NTM: variants seen among roughly 807,000 people sequenced by gnomAD.
NTM encodes the protein IgLON family member 2.
In NTM, 13 loss-of-function variants were observed where a neutral mutation model predicts 42.1. The ratio of observed to expected loss-of-function variants is 0.31; its 90% CI spans 0.20 to 0.49. The LOEUF is 0.49. Ranked by LOEUF, NTM falls within the 20% of genes least tolerant of loss-of-function variation. NTM has a pLI of 0.99. For missense variants in NTM, 373 were observed against 452.8 expected (o/e 0.82, Z 1.60); for synonymous variants, 187 against 179.2 (o/e 1.04, Z -0.35).
chr11:131,599,788 C>T (rs1022194142), intron 1 of NTM, among the ~76,000 whole-genome samples: 12 of 152,168 alleles, frequency 7.9e-5, no homozygotes, highest in African/African-American at 2.9e-4. Context: ...AAAGGCTTCC[C>T]AGAGAAGTCA....
intron 3 of NTM, among the ~76,000 whole-genome samples, chr11:132,177,821 A>C (rs781002666): frequency 1.3e-5 from 2 of 152,230 alleles, no homozygotes; most frequent in Non-Finnish European, 2.9e-5. Context: ...TGACTAATGC[A>C]CTCATCCTGA....
chr11:132,136,859 G>T (rs993498005), intron 2 of NTM, among the ~76,000 whole-genome samples: 5 of 152,248 alleles, frequency 3.3e-5, no homozygotes, highest in Admixed American at 3.3e-4. Context: ...AGAATTGGAG[G>T]TGGAACTAGC....
At position 132,335,079 on chromosome 11, in the gene NTM, C is replaced by T. The variant is rs755518659; in HGVS notation, c.1001C>T (p.Thr334Met). Residue 334 changes from threonine (T) to methionine (M), a missense_variant, in exon 9 of 9, where the codon ACG becomes ATG. Physicochemically the swap from Thr to Met is moderately conservative, Grantham distance 81. This residue lies in a region of NTM where 312 missense variants were observed against 353.5 expected (regional missense o/e 0.88). Transcript: ENST00000683400. ...PGAVSEVSNG[T>M]SRRAGCVWLL... ...GCCGTCAGCGAGGTGAGCAACGGCA[C>T]GTCGAGGAGGGCAGGCTGCGTCTGG... The T allele has an allele frequency of 1.1e-5, 17 of 1,612,434 alleles. No individual in the cohort carries two copies. The highest frequency in any genetic ancestry group is 3.3e-4 in the Middle Eastern group (2 of 6,084).
intron 6 of NTM, among the ~76,000 whole-genome samples, chr11:132,310,942 GAAC>G (rs1262074835): frequency 6.6e-6 from 1 of 152,174 alleles, no homozygotes; most frequent in African/African-American, 2.4e-5. Flanking sequence ...TAAGGGGGAT[GAAC>G]AACGGGAAAT....
intron 1 of NTM, among the ~76,000 whole-genome samples, chr11:131,742,322 T>C (rs1162586853): frequency 6.6e-6 from 1 of 152,216 alleles, no homozygotes; most frequent in Non-Finnish European, 1.5e-5. Flanking sequence ...AAACAATAAC[T>C]TGTTACTTTA....
intron 1 of NTM, among the ~76,000 whole-genome samples, chr11:131,667,797 GA>G: frequency 6.6e-6 from 1 of 152,254 alleles, no homozygotes; most frequent in South Asian, 2.1e-4. Flanking sequence ...CCACATGCCT[GA>G]GATTCCAACT....
chr11:132,147,208 T>TGAGAGA (rs751020746), intron 3 of NTM, among the ~76,000 whole-genome samples: 3 of 127,104 alleles, frequency 2.4e-5, no homozygotes, highest in Non-Finnish European at 5.3e-5. Context: ...TGTGTGTGTG[T>TGAGAGA]GTGTGTGAGA....
chr11:131,559,001 T>C (rs1208005605), intron 1 of NTM, among the ~76,000 whole-genome samples: 1 of 152,220 alleles, frequency 6.6e-6, no homozygotes, highest in African/African-American at 2.4e-5. Flanking sequence ...AATAGACATA[T>C]GGGTTTATTT....
intron 1 of NTM, among the ~76,000 whole-genome samples, chr11:131,732,376 G>A (rs1354750720): frequency 1.3e-5 from 2 of 152,034 alleles, no homozygotes; most frequent in Non-Finnish European, 1.5e-5. Context: ...CACTGGGTGG[G>A]AATCAGGCCT....
chr11:132,098,577 A>G (rs952892930), intron 2 of NTM, among the ~76,000 whole-genome samples: 2 of 152,212 alleles, frequency 1.3e-5, no homozygotes, highest in African/African-American at 4.8e-5. Flanking sequence ...GTCCCGATCT[A>G]ATGCCAATGT....
chr11:131,777,596 A>G (rs1471482455), intron 1 of NTM, among the ~76,000 whole-genome samples: 3 of 151,982 alleles, frequency 2.0e-5, no homozygotes, highest in East Asian at 1.9e-4. Flanking sequence ...ATGGCATAAC[A>G]AAGCCCCAAA....
At chr11:131,445,244 C>T (rs919520017) in intron 1 of NTM, among the ~76,000 whole-genome samples, 7 of 152,220 alleles carry the variant, frequency 4.6e-5, no homozygotes, top group African/African-American at 1.7e-4. Context: ...GTACACTGCC[C>T]TGTACCCCTA....
chr11:131,925,656 A>G (rs2057848886), intron 2 of NTM, among the ~76,000 whole-genome samples: 1 of 152,134 alleles, frequency 6.6e-6, no homozygotes, highest in Admixed American at 6.5e-5. Flanking sequence ...AAGTGCTGGG[A>G]TTACAGATAG....
chr11:132,000,370 A>G (rs899321443), intron 2 of NTM, among the ~76,000 whole-genome samples: 1 of 152,140 alleles, frequency 6.6e-6, no homozygotes, highest in Non-Finnish European at 1.5e-5. Context: ...TCATCTTTCA[A>G]TGTGGTTTTT....
At chr11:131,559,134 C>T (rs775878908) in intron 1 of NTM, among the ~76,000 whole-genome samples, 11 of 152,156 alleles carry the variant, frequency 7.2e-5, no homozygotes, top group Non-Finnish European at 1.3e-4. Context: ...AGGAAGTTTG[C>T]GTTTGTTTAC....
At chr11:131,620,745 CCTT>C (rs1271265051) in intron 1 of NTM, among the ~76,000 whole-genome samples, 4 of 152,200 alleles carry the variant, frequency 2.6e-5, no homozygotes, top group African/African-American at 9.6e-5. Context: ...CCTGCACTGT[CCTT>C]CTTCATAACA....
chr11:131,820,749 C>T (rs76777973), intron 1 of NTM, among the ~76,000 whole-genome samples: 4,927 of 152,282 alleles, frequency 0.032, 272 homozygotes, highest in African/African-American at 0.11. Context: ...GTGTATTTCA[C>T]GATCTGAAAG....
intron 1 of NTM, among the ~76,000 whole-genome samples, chr11:131,607,218 C>T (rs1000447326): frequency 6.6e-6 from 1 of 152,134 alleles, no homozygotes; most frequent in Non-Finnish European, 1.5e-5. Flanking sequence ...AAATGGTGAG[C>T]AAAATTGCCT....
At chr11:131,789,922 C>G (rs12275652) in intron 1 of NTM, among the ~76,000 whole-genome samples, 7 of 134,536 alleles carry the variant, frequency 5.2e-5, no homozygotes, top group East Asian at 2.3e-4. Context: ...CGCCACTGCA[C>G]TCCAGCCTGG....
Sources: allele counts gnomAD v4.1 joint callset (sites outside exome capture counted in the v4.1 genomes callset), GRCh38; gene constraint gnomAD v4.1.1; regional missense constraint gnomAD v4.1.1; transcripts MANE v1.5; gene names NCBI Gene and HGNC (gene_info 2026-07-23, HGNC 2026-07-21).